EIF4G3: variants seen among roughly 807,000 people sequenced by gnomAD.
The protein encoded by EIF4G3 is eukaryotic translation initiation factor 4 gamma 3, also known as eIF-4-gamma 3.
Under a neutral mutation model 186.4 loss-of-function variants are expected in EIF4G3, and 34 were observed. That is an observed-to-expected ratio of 0.18 (90% CI 0.14 to 0.24). The LOEUF (loss-of-function observed/expected upper bound fraction) is 0.24. Among genes scored for constraint, EIF4G3 ranks in the 10% least tolerant of loss-of-function variants. The pLI, the probability that EIF4G3 is intolerant of heterozygous loss-of-function variation, is 1.00. For missense variants in EIF4G3, 1,536 were observed against 1,948.5 expected (o/e 0.79, Z 3.99); for synonymous variants, 673 against 679.5 (o/e 0.99, Z 0.15).
At chr1:21,111,283 CA>C in intron 2 of EIF4G3, 1 of 470,832 alleles carries the variant, frequency 2.1e-6, no homozygotes, top group Non-Finnish European at 4.4e-6. Context: ...CTGGAAAAGA[CA>C]AAAATTTGAA....
chr1:20,862,682 GA>G (rs1204271064), intron 22 of EIF4G3, among the ~76,000 whole-genome samples: 1 of 152,156 alleles, frequency 6.6e-6, no homozygotes, highest in Admixed American at 6.6e-5. Flanking sequence ...CAACGTGCTG[GA>G]ATTTCAGGCA....
chr1:20,821,471 A>G (rs1409943242), intron 33 of EIF4G3, among the ~76,000 whole-genome samples: 1 of 152,236 alleles, frequency 6.6e-6, no homozygotes, highest in African/African-American at 2.4e-5. Context: ...CCACAGTTCT[A>G]AAACAGTTGG....
chr1:20,941,214 GCAACAA>G lies in EIF4G3; in HGVS notation c.1663+271_1663+276del. The G allele has an allele frequency of 5.9e-6, 9 of 1,516,744 alleles. 1 individual carries two copies. Among genetic ancestry groups the G allele is most frequent in the Non-Finnish European group, 6.2e-6 (7 of 1,132,980 alleles). The allele number at this position is 1,516,744 out of a possible 1,614,324, so 94.0% of individuals were successfully genotyped here. A position where few individuals can be genotyped will look rare whatever the true frequency, so the allele number is the denominator to read the frequency against. On this transcript the variant is annotated intron_variant, in intron 14 of 36. Transcript: ENST00000602326. ...ACCAATTCATATGAATGAGGCAATA[GCAACAA>G]CAACAACAACAAAACCCAACATGTT... is the stretch of plus-strand genomic sequence containing the variant.
chr1:20,996,600 T>G (rs139506751), intron 7 of EIF4G3, among the ~76,000 whole-genome samples: 2 of 152,344 alleles, frequency 1.3e-5, no homozygotes, highest in East Asian at 3.8e-4. Flanking sequence ...ATTGTAAATA[T>G]GATAACACAG....
chr1:21,170,590 G>A lies in EIF4G3; in HGVS notation c.-272+5585C>T, dbSNP rs561981100. ...GGAAGCTAAGGCAGGAGAATCACTT[G>A]AACCCAGGAGGTGGAGGATGCAGTG... On this transcript the variant is annotated intron_variant, in intron 2 of 36. Coordinates refer to ENST00000602326, the MANE Select transcript of EIF4G3 (RefSeq NM_001391906.1). 2.6e-5 allele frequency among the ~76,000 whole-genome samples: 4 copies of A among 152,182 alleles called. No individual in the cohort carries two copies. In the South Asian group the frequency reaches 8.3e-4, roughly 32 times the overall value.
intron 13 of EIF4G3, among the ~76,000 whole-genome samples, chr1:20,944,590 A>G (rs1460121980): frequency 1.3e-5 from 2 of 152,062 alleles, no homozygotes; most frequent in African/African-American, 4.8e-5. Context: ...AGAGAGAGAA[A>G]AAGAGAAATT....
chr1:21,114,604 AT>A (rs2096785016), intron 2 of EIF4G3, among the ~76,000 whole-genome samples: 1 of 152,234 alleles, frequency 6.6e-6, no homozygotes, highest in African/African-American at 2.4e-5. Flanking sequence ...CACAAGTGTT[AT>A]TCATTAAGAC....
At chr1:20,841,171 T>A in intron 29 of EIF4G3, 143 bp from the exon 30 acceptor site, 1 of 769,632 alleles carries the variant, frequency 1.3e-6, no homozygotes, top group East Asian at 2.8e-5. Flanking sequence ...AGTTTATATT[T>A]GTTTAACATA....
At chr1:20,894,282 G>A (rs1330398120) in intron 17 of EIF4G3, among the ~76,000 whole-genome samples, 3 of 152,264 alleles carry the variant, frequency 2.0e-5, no homozygotes, top group Admixed American at 6.5e-5. Context: ...TAAGGCAGCA[G>A]GACAGGCAGG....
intron 10 of EIF4G3, among the ~76,000 whole-genome samples, chr1:20,975,285 C>A (rs2076628488): frequency 6.6e-6 from 1 of 151,134 alleles, no homozygotes; most frequent in Admixed American, 6.6e-5. Flanking sequence ...AAATTGGTTT[C>A]AAATGCTGCC....
chr1:20,879,619 T>C, intron 19 of EIF4G3, 99 bp from the exon 20 acceptor site: 1 of 675,332 alleles, frequency 1.5e-6, no homozygotes, highest in Non-Finnish European at 2.2e-6. Flanking sequence ...AAGTTCAACT[T>C]CTCAAATTAT....
chr1:20,817,687 T>G (rs1397224763), intron 33 of EIF4G3, 149 bp from the exon 34 acceptor site: 2 of 405,624 alleles, frequency 4.9e-6, no homozygotes, highest in Non-Finnish European at 3.9e-6. Context: ...TGTAGTTTTT[T>G]TTTTTTTTTT....
intron 4 of EIF4G3, among the ~76,000 whole-genome samples, chr1:21,045,060 C>A (rs2093804511): frequency 6.6e-6 from 1 of 152,054 alleles, no homozygotes; most frequent in African/African-American, 2.4e-5. Flanking sequence ...GTCAAGGCTG[C>A]AGTGAGCTAT....
At chr1:21,118,030 G>A (rs2096859466) in intron 2 of EIF4G3, among the ~76,000 whole-genome samples, 1 of 152,178 alleles carries the variant, frequency 6.6e-6, no homozygotes. Flanking sequence ...GAAATCCACA[G>A]AGGACACAGT....
intron 14 of EIF4G3, among the ~76,000 whole-genome samples, chr1:20,913,026 C>T (rs1442077619): frequency 6.6e-6 from 1 of 152,038 alleles, no homozygotes; most frequent in Non-Finnish European, 1.5e-5. Flanking sequence ...GAATGATGGG[C>T]CACTGAGAGA....
intron 2 of EIF4G3, among the ~76,000 whole-genome samples, chr1:21,150,426 C>T (rs1203944219): frequency 6.6e-6 from 1 of 152,030 alleles, no homozygotes; most frequent in African/African-American, 2.4e-5. Context: ...TTTGAGGGAA[C>T]CTAATTCATC....
In EIF4G3 at chr1:20,830,770, C is replaced by A. The variant is rs373762924; in HGVS notation, c.4062-1498G>T. On this transcript the variant is annotated intron_variant, in intron 30 of 36. Coordinates refer to ENST00000602326, the MANE Select transcript of EIF4G3 (RefSeq NM_001391906.1). ...GTTCATCATGGGACAGTCCACAGAA[C>A]ACAATCAGTGGTCAAATCTATACTG... 2.8e-4 allele frequency among the ~76,000 whole-genome samples: 43 copies of A among 152,284 alleles called. 3 individuals carry two copies. The highest frequency in any genetic ancestry group is 8.2e-4 in the African/African-American group (34 of 41,552).
chr1:20,948,387 G>A (rs1038264517), intron 13 of EIF4G3, among the ~76,000 whole-genome samples: 1 of 152,154 alleles, frequency 6.6e-6, no homozygotes, highest in African/African-American at 2.4e-5. Flanking sequence ...GTTGCTGAAA[G>A]AAGTTCTTGA....
At chr1:21,078,782 C>T (rs1389236470) in intron 3 of EIF4G3, among the ~76,000 whole-genome samples, 3 of 152,072 alleles carry the variant, frequency 2.0e-5, no homozygotes, top group African/African-American at 4.8e-5. Context: ...GTCAGGAGTT[C>T]GAGACCAGCC....
Sources: gnomAD v4.1 joint callset for allele counts (sites outside exome capture counted in the v4.1 genomes callset) on GRCh38, gnomAD v4.1.1 for gene constraint, MANE v1.5 for transcripts, NCBI Gene and HGNC (gene_info 2026-07-23, HGNC 2026-07-21) for gene names.